Variants in DNAH11 observed in about 807,000 individuals in gnomAD.
DNAH11 encodes dynein axonemal heavy chain 11, also known as axonemal beta dynein heavy chain 11.
Under a neutral mutation model 526.0 loss-of-function variants are expected in DNAH11, and 442 were observed. The ratio of observed to expected loss-of-function variants is 0.84; its 90% CI spans 0.78 to 0.91. The LOEUF (loss-of-function observed/expected upper bound fraction) is 0.91, where lower values mean the gene tolerates loss of function less well. Ranked by LOEUF, DNAH11 falls within the 40% of genes least tolerant of loss-of-function variation. The probability of loss-of-function intolerance (pLI) is 0.00; values close to 1 mark genes in which losing one functional copy is unlikely to be tolerated. For synonymous variants in DNAH11, 2,461 were observed against 1,935.9 expected (o/e 1.27, Z -7.12); for missense variants, 6,989 against 5,448.7 (o/e 1.28, Z -8.90).
chr7:21,687,618 C>T (rs1478766954), intron 34 of DNAH11, 91 bp downstream of exon 34: 3 of 1,412,488 alleles, frequency 2.1e-6, no homozygotes, highest in African/African-American at 2.9e-5. Context: ...GCTACCTCTC[C>T]CTGTCTCATG....
chr7:21,618,776 T>C (rs1172378005), intron 23 of DNAH11, among the ~76,000 whole-genome samples: 3 of 152,108 alleles, frequency 2.0e-5, no homozygotes, highest in Admixed American at 6.5e-5. Flanking sequence ...CAAATTATAA[T>C]AAATGAACAA....
rs559311837 is a variant in DNAH11, at chr7:21,785,346, C to G, written c.9597+806C>G. On this transcript the variant is annotated intron_variant, in intron 58 of 81. Transcript: ENST00000409508. ...GGGTATTTCTTAGAGTACCATAAAA[C>G]TGAAAAATTTTAAATGGAAACATAC... Among the ~76,000 whole-genome samples, 18 of 152,264 alleles carry G rather than the reference C, an allele frequency of 1.2e-4. 1 individual carries two copies. In the South Asian group the frequency reaches 3.7e-3, roughly 32 times the overall value.
At chr7:21,681,929 T>C (rs1013134731) in intron 31 of DNAH11, among the ~76,000 whole-genome samples, 1 of 152,202 alleles carries the variant, frequency 6.6e-6, no homozygotes, top group Non-Finnish European at 1.5e-5. Context: ...AAAAATTTTA[T>C]CACAGTGGAA....
intron 5 of DNAH11, among the ~76,000 whole-genome samples, chr7:21,562,887 T>G (rs1169417607): frequency 2.0e-5 from 3 of 152,236 alleles, no homozygotes; most frequent in Admixed American, 2.0e-4. Context: ...ACACATCAAG[T>G]GTCTGGGTTC....
At chr7:21,863,064 A>C (rs1304105545) in intron 69 of DNAH11, among the ~76,000 whole-genome samples, 2 of 48,998 alleles carry the variant, frequency 4.1e-5, no homozygotes, top group African/African-American at 8.7e-5. Flanking sequence ...ACTCCGTCTC[A>C]AAAAAAAAAA....
intron 54 of DNAH11, 29 bp downstream of exon 54, chr7:21,750,393 T>TA (rs1786363256): frequency 6.3e-7 from 1 of 1,577,880 alleles, no homozygotes; most frequent in African/African-American, 1.4e-5. Flanking sequence ...ATTTGCATGT[T>TA]AGTTAAAACC....
chr7:21,886,296 A>G lies in DNAH11; in HGVS notation c.12507+1886A>G, dbSNP rs138836195. On this transcript the variant is annotated intron_variant, in intron 76 of 81. Coordinates refer to ENST00000409508, the MANE Select transcript of DNAH11 (RefSeq NM_001277115.2). Reference sequence around the variant, plus strand: ...CTAAAATCATATTAGTCTAATATTTAGTCTATTTTAGACTAAAATACACCA... The same window carrying G: ...CTAAAATCATATTAGTCTAATATTTGGTCTATTTTAGACTAAAATACACCA... Among the ~76,000 whole-genome samples the G allele has an allele frequency of 3.9e-3, 589 of 152,282 alleles. 5 individuals carry two copies. Among genetic ancestry groups the G allele is most frequent in the Middle Eastern group, 0.01 (3 of 294 alleles).
chr7:21,637,056 G>A (rs1333979872), intron 26 of DNAH11, among the ~76,000 whole-genome samples: 1 of 152,152 alleles, frequency 6.6e-6, no homozygotes, highest in African/African-American at 2.4e-5. Context: ...TCTACCTGAA[G>A]TAGAAGTCAC....
At chr7:21,837,004 CTAAT>C (rs1782020653) in intron 65 of DNAH11, among the ~76,000 whole-genome samples, 2 of 152,038 alleles carry the variant, frequency 1.3e-5, no homozygotes, top group Non-Finnish European at 2.9e-5. Flanking sequence ...TTCCACATCA[CTAAT>C]TATCAGGGAA....
At chr7:21,578,402 C>T (rs1390443629) in intron 8 of DNAH11, among the ~76,000 whole-genome samples, 1 of 152,212 alleles carries the variant, frequency 6.6e-6, no homozygotes, top group East Asian at 1.9e-4. Context: ...CTAGGACACG[C>T]TGATATAAGA....
chr7:21,576,053 A>C (rs1278679607), intron 8 of DNAH11, among the ~76,000 whole-genome samples: 1 of 152,186 alleles, frequency 6.6e-6, no homozygotes, highest in African/African-American at 2.4e-5. Context: ...CAACTAAAAC[A>C]CTGGCCGTTA....
chr7:21,577,937 A>G (rs1784163799), intron 8 of DNAH11, among the ~76,000 whole-genome samples: 1 of 152,216 alleles, frequency 6.6e-6, no homozygotes, highest in African/African-American at 2.4e-5. Context: ...CATTGCTACA[A>G]AGAACTACCT....
At chr7:21,650,543 CTTTTT>C (rs573023157) in intron 28 of DNAH11, among the ~76,000 whole-genome samples, 5 of 136,752 alleles carry the variant, frequency 3.7e-5, no homozygotes, top group Admixed American at 7.4e-5. Flanking sequence ...TCTAGAAGGC[CTTTTT>C]TTTTTTTTTT....
In DNAH11 at chr7:21,900,121, G is replaced by A; in HGVS notation, c.13303+1G>A. 6 of 1,609,608 alleles carry A rather than the reference G, an allele frequency of 3.7e-6. No homozygotes were observed. The highest frequency in any genetic ancestry group is 5.1e-6 in the Non-Finnish European group (6 of 1,177,474). On this transcript the variant is annotated splice_donor_variant, in intron 81 of 81. Coordinates refer to ENST00000409508, the MANE Select transcript of DNAH11 (RefSeq NM_001277115.2). LOFTEE classifies it high-confidence loss of function. ...TACCTCCACGGACTCTTCATGGAGG[G>A]TAAGACACCCCAAGGGGTAAGTGGG...
chr7:21,634,581 C>T (rs1281925673), intron 25 of DNAH11, among the ~76,000 whole-genome samples: 1 of 152,138 alleles, frequency 6.6e-6, no homozygotes, highest in Non-Finnish European at 1.5e-5. Context: ...GGCTCCATGG[C>T]ATTAAAACAA....
At chr7:21,795,341 A>G (rs1199592870) in intron 61 of DNAH11, among the ~76,000 whole-genome samples, 13 of 152,196 alleles carry the variant, frequency 8.5e-5, no homozygotes, top group Admixed American at 8.5e-4. Flanking sequence ...GTACTTTATC[A>G]TCTGCTAATT....
intron 65 of DNAH11, among the ~76,000 whole-genome samples, chr7:21,841,317 T>C (rs1309443594): frequency 1.3e-5 from 2 of 152,186 alleles, no homozygotes; most frequent in African/African-American, 2.4e-5. Context: ...TATACAGATA[T>C]ACATAAACAC....
chr7:21,591,295 G>A lies in DNAH11; in HGVS notation c.2385G>A (p.Gln795=). 6.2e-7 allele frequency: 1 copy of A among 1,613,734 alleles called. No individual in the cohort carries two copies. Among genetic ancestry groups the A allele is most frequent in the Admixed American group, 1.7e-5 (1 of 60,006 alleles). ...IEDELRAIDE[Q]LTAATTWLTW... is the part of the protein sequence containing the mutation. ...ATGAGCTGAGGGCTATTGACGAGCA[G>A]CTGACAGCAGCCACAACGTGGCTGA... The change falls in exon 14 of 82, where the codon CAG becomes CAA. Residue 795 remains glutamine, a synonymous_variant. Coordinates refer to ENST00000409508, the MANE Select transcript of DNAH11 (RefSeq NM_001277115.2).
At position 21,588,525 on chromosome 7, in the gene DNAH11, A is replaced by G. The variant is rs758149906; in HGVS notation, c.1862A>G (p.His621Arg). Residue 621 changes from histidine to arginine, a missense_variant, in exon 11 of 82, where the codon CAT (histidine) becomes CGT (arginine). By Grantham distance (29) the His-to-Arg change is conservative (BLOSUM62 0). Transcript: ENST00000409508. Reference sequence around the variant, plus strand: ...ATCAACTTGCAGATTGAATGTGGTCATGTAGTTCTTAACAAGAACATGCCA... The same window carrying G: ...ATCAACTTGCAGATTGAATGTGGTCGTGTAGTTCTTAACAAGAACATGCCA... ...NEHMKQIECG[H>R]VVLNKNMPFT... 9.9e-6 allele frequency: 16 copies of G among 1,613,698 alleles called. No individual in the cohort carries two copies. The Admixed American group carries it at 1.3e-4, about 13-fold the overall frequency.
Sources: allele counts gnomAD v4.1 joint callset (sites outside exome capture counted in the v4.1 genomes callset), GRCh38; gene constraint gnomAD v4.1.1; transcripts MANE v1.5; gene names NCBI Gene and HGNC (gene_info 2026-07-23, HGNC 2026-07-21).